The following CTDSPL2 variants were observed in gnomAD, a reference collection of about 807,000 sequenced individuals.
The protein encoded by CTDSPL2 is CTD small phosphatase like 2.
CTDSPL2 carries 5 observed loss-of-function variants against 60.0 expected under a neutral mutation model. The ratio of observed to expected loss-of-function variants is 0.08; its 90% CI spans 0.04 to 0.18. The LOEUF (loss-of-function observed/expected upper bound fraction) is 0.18. CTDSPL2 is among the 10% of genes least tolerant of loss of function. The pLI is 1.00. For synonymous variants in CTDSPL2, 186 were observed against 189.3 expected, an observed-to-expected ratio of 0.98 and a Z score of 0.14; for missense variants, 370 against 548.8, an observed-to-expected ratio of 0.67 and a Z score of 3.26.
At chr15:44,469,567 G>A (rs919515083) in intron 2 of CTDSPL2, among the ~76,000 whole-genome samples, 22 of 151,290 alleles carry the variant, frequency 1.5e-4, no homozygotes, top group Middle Eastern at 3.2e-3. Context: ...TATTCATTTC[G>A]ATTCAAGAAT....
intron 1 of CTDSPL2, among the ~76,000 whole-genome samples, chr15:44,440,201 T>G (rs543116462): frequency 9.0e-5 from 12 of 133,608 alleles, no homozygotes; most frequent in African/African-American, 2.7e-4. Flanking sequence ...GTTTTTGTGT[T>G]TTTTTTTTTT....
Position 44,521,339 on chromosome 15 carries a change from G to T in CTDSPL2, c.1268G>T (p.Trp423Leu). 6.4e-7 allele frequency: 1 copy of T among 1,566,006 alleles called. No homozygotes were observed. Among genetic ancestry groups the T allele is most frequent in the Admixed American group, 1.7e-5 (1 of 58,726 alleles). ...TCTAATGGAATCCCTATAGAAAGTT[G>T]GTTTATGGATAAAAATGACAATGAA... is the stretch of plus-strand genomic sequence containing the variant. ...QLSNGIPIESWFMDKNDNELL... is the reference protein window; with the variant it reads ...QLSNGIPIESLFMDKNDNELL... Residue 423 changes from tryptophan (W) to leucine (L), a missense_variant, in exon 12 of 13, where the codon TGG (tryptophan) becomes TTG (leucine). Physicochemically the swap from Trp to Leu is moderately conservative, Grantham distance 61. This residue lies in a region of CTDSPL2 where 46 missense variants were observed against 126.0 expected (regional missense o/e 0.37). Transcript: ENST00000260327.
intron 2 of CTDSPL2, among the ~76,000 whole-genome samples, chr15:44,461,879 T>C (rs2080578726): frequency 6.6e-6 from 1 of 152,138 alleles, no homozygotes; most frequent in Admixed American, 6.5e-5. Context: ...GTCACAGAGG[T>C]AGCAGAAAAT....
chr15:44,507,274 G>A (rs937369701), intron 8 of CTDSPL2, among the ~76,000 whole-genome samples: 2 of 150,876 alleles, frequency 1.3e-5, no homozygotes, highest in African/African-American at 4.9e-5. Context: ...TAGTAGAGAT[G>A]GGGTTTCACC....
At chr15:44,490,226 C>T (rs1346709801) in intron 4 of CTDSPL2, among the ~76,000 whole-genome samples, 1 of 152,138 alleles carries the variant, frequency 6.6e-6, no homozygotes, top group Non-Finnish European at 1.5e-5. Context: ...CCTTGACCTC[C>T]TTCTGGGCCC....
At chr15:44,463,959 A>G (rs1395693819) in intron 2 of CTDSPL2, among the ~76,000 whole-genome samples, 1 of 152,216 alleles carries the variant, frequency 6.6e-6, no homozygotes, top group Non-Finnish European at 1.5e-5. Flanking sequence ...AATAATTATA[A>G]TAATAACCTA....
At chr15:44,485,718 C>T (rs560549112) in intron 3 of CTDSPL2, among the ~76,000 whole-genome samples, 4 of 152,196 alleles carry the variant, frequency 2.6e-5, no homozygotes, top group Admixed American at 2.0e-4. Context: ...ACTGTTTTAA[C>T]GAATGCTATC....
chr15:44,446,157 C>G lies in CTDSPL2; in HGVS notation c.-24-12834C>G, dbSNP rs187675203. Among the ~76,000 whole-genome samples the G allele has an allele frequency of 3.7e-3, 548 of 146,200 alleles. 3 individuals are homozygous for G. Among genetic ancestry groups the G allele is most frequent in the African/African-American group, 0.013 (517 of 41,024 alleles). ...ACCAGGCAGTTCTCGAACTCCTGAC[C>G]TCGTGATCCACCCACCTCGACCTCC... On this transcript the variant is annotated intron_variant, in intron 1 of 12. Coordinates refer to ENST00000260327, the MANE Select transcript of CTDSPL2 (RefSeq NM_016396.3).
intron 1 of CTDSPL2, among the ~76,000 whole-genome samples, chr15:44,444,594 C>T (rs1291300638): frequency 6.6e-6 from 1 of 152,002 alleles, no homozygotes; most frequent in Non-Finnish European, 1.5e-5. Flanking sequence ...GATCTACCCT[C>T]CTTGGCCTCC....
At chr15:44,520,600 A>G (rs1347058723) in intron 11 of CTDSPL2, 1 of 152,256 alleles carries the variant, frequency 6.6e-6, no homozygotes, top group African/African-American at 2.4e-5. Context: ...ATATGATACT[A>G]AGTTATATTT....
At chr15:44,510,372 C>G (rs1277687258) in intron 8 of CTDSPL2, among the ~76,000 whole-genome samples, 3 of 152,114 alleles carry the variant, frequency 2.0e-5, no homozygotes, top group Non-Finnish European at 4.4e-5. Flanking sequence ...GTTCATAAAT[C>G]TGTATCTTCA....
At chr15:44,511,538 C>T (rs543977469) in intron 8 of CTDSPL2, among the ~76,000 whole-genome samples, 4 of 152,208 alleles carry the variant, frequency 2.6e-5, no homozygotes, top group Admixed American at 2.6e-4. Flanking sequence ...GGTTGAATAT[C>T]CCTAATTCAA....
rs2080752256 is a variant in CTDSPL2, at chr15:44,468,997, CTGTT to C, written c.186+9801_186+9804del. 2.0e-5 allele frequency among the ~76,000 whole-genome samples: 3 copies of C among 152,090 alleles called. No homozygotes were observed. The South Asian group carries it at 6.2e-4, about 32-fold the overall frequency. On this transcript the variant is annotated intron_variant, in intron 2 of 12. Transcript: ENST00000260327. Reference sequence around the variant, plus strand: ...TCATATCAGCTGTGTAGATACCACTCTGTTTGTATTCAATTAATCCTTATTTTAC... The same window carrying C: ...TCATATCAGCTGTGTAGATACCACTCTGTATTCAATTAATCCTTATTTTAC...
At chr15:44,464,907 T>C (rs576616051) in intron 2 of CTDSPL2, among the ~76,000 whole-genome samples, 3 of 152,310 alleles carry the variant, frequency 2.0e-5, no homozygotes, top group Non-Finnish European at 4.4e-5. Flanking sequence ...GGTTTCTCCA[T>C]GTTGCCCAGG....
At chr15:44,435,299 A>G (rs560806249) in intron 1 of CTDSPL2, among the ~76,000 whole-genome samples, 12 of 150,364 alleles carry the variant, frequency 8.0e-5, no homozygotes, top group East Asian at 6.0e-4. Context: ...ACTGTGCGCA[A>G]TGGCTCACGC....
chr15:44,508,992 A>G (rs1254003630), intron 8 of CTDSPL2, among the ~76,000 whole-genome samples: 1 of 152,106 alleles, frequency 6.6e-6, no homozygotes, highest in Non-Finnish European at 1.5e-5. Flanking sequence ...TCCTAAAAAG[A>G]CTCACATGTA....
chr15:44,460,175 T>G (rs1360715817), intron 2 of CTDSPL2, among the ~76,000 whole-genome samples: 4 of 152,148 alleles, frequency 2.6e-5, no homozygotes, highest in African/African-American at 4.8e-5. Flanking sequence ...CAGTGGCGCA[T>G]TCTCCGCTCA....
chr15:44,494,940 CAG>C (rs1233603380), intron 5 of CTDSPL2, among the ~76,000 whole-genome samples: 8 of 152,016 alleles, frequency 5.3e-5, no homozygotes, highest in Non-Finnish European at 8.8e-5. Flanking sequence ...AAGAAAAAAA[CAG>C]AATGTCTGCA....
At chr15:44,463,355 A>G (rs1354609115) in intron 2 of CTDSPL2, among the ~76,000 whole-genome samples, 3 of 148,992 alleles carry the variant, frequency 2.0e-5, no homozygotes, top group South Asian at 2.1e-4. Context: ...TTGGCCAGGC[A>G]GGTCTTGAAC....
Sources: gnomAD v4.1 joint callset for allele counts (sites outside exome capture counted in the v4.1 genomes callset) on GRCh38, gnomAD v4.1.1 for gene constraint, gnomAD v4.1.1 regional missense constraint, MANE v1.5 for transcripts, NCBI Gene and HGNC (gene_info 2026-07-23, HGNC 2026-07-21) for gene names.